The following PPP1R12B variants were observed in gnomAD, a reference collection of about 807,000 sequenced individuals.
PPP1R12B encodes the protein myosin phosphatase target subunit 2.
In PPP1R12B, 76 loss-of-function variants were observed where a neutral mutation model predicts 126.1. The ratio of observed to expected loss-of-function variants is 0.60; its 90% CI spans 0.50 to 0.73. The LOEUF is 0.73. PPP1R12B is among the 30% of genes least tolerant of loss of function. PPP1R12B has a pLI of 0.00. For synonymous variants in PPP1R12B, 356 were observed against 434.7 expected (o/e 0.82, Z 2.25); for missense variants, 1,052 against 1,205.1 (o/e 0.87, Z 1.88).
intron 2 of PPP1R12B, 95 bp downstream of exon 2, chr1:202,417,012 A>G (rs1205005842): frequency 2.2e-6 from 3 of 1,358,256 alleles, no homozygotes; most frequent in Non-Finnish European, 2.9e-6. Flanking sequence ...ATAAATAGTT[A>G]TAATCTCTCT....
chr1:202,571,182 G>A (rs1328206739), intron 23 of PPP1R12B, among the ~76,000 whole-genome samples: 1 of 152,122 alleles, frequency 6.6e-6, no homozygotes, highest in Non-Finnish European at 1.5e-5. Flanking sequence ...CCCTTCAGTG[G>A]TTCTAGTTGC....
At chr1:202,538,195 A>G (rs1228644593) in intron 18 of PPP1R12B, among the ~76,000 whole-genome samples, 1 of 152,130 alleles carries the variant, frequency 6.6e-6, no homozygotes, top group Non-Finnish European at 1.5e-5. Flanking sequence ...GGGTTTCACC[A>G]TGTTGGTCAG....
At chr1:202,442,046 A>G (rs570078135) in intron 11 of PPP1R12B, among the ~76,000 whole-genome samples, 94 of 151,560 alleles carry the variant, frequency 6.2e-4, no homozygotes, top group African/African-American at 2.1e-3. Flanking sequence ...ATGGGGTTTC[A>G]CCATGTTGGC....
intron 13 of PPP1R12B, among the ~76,000 whole-genome samples, chr1:202,473,586 C>G (rs906104129): frequency 6.6e-5 from 10 of 152,248 alleles, no homozygotes; most frequent in Admixed American, 6.5e-4. Context: ...AAGAATTTCT[C>G]TCTTTCACCT....
Position 202,472,657 on chromosome 1 carries a change from G to A in PPP1R12B, c.1851-15876G>A, listed in dbSNP as rs1676087671. Among the ~76,000 whole-genome samples, 3 of 152,202 alleles carry A rather than the reference G, an allele frequency of 2.0e-5. No homozygotes were observed. In the South Asian group the frequency reaches 6.2e-4, roughly 32 times the overall value. ...GAAAAGAATTCAAGATGATATAGTA[G>A]TTATCTAAGATAGGTCACAGAAACA... On this transcript the variant is annotated intron_variant, in intron 13 of 23. Coordinates refer to ENST00000608999, the MANE Select transcript of PPP1R12B (RefSeq NM_002481.4).
Position 202,588,524 on chromosome 1 carries a change from A to C in PPP1R12B, c.*7964A>C, listed in dbSNP as rs1689959679. ...TCACTTCTATATGATGCCTGTAAAC[A>C]CAACAGTATTTATAAATGAGTAAAT... On this transcript the variant is annotated 3_prime_UTR_variant, in exon 24 of 24. Coordinates refer to ENST00000608999, the MANE Select transcript of PPP1R12B (RefSeq NM_002481.4). 6.6e-6 allele frequency: 1 copy of C among 152,668 alleles called. No homozygotes were observed. Among genetic ancestry groups the C allele is most frequent in the East Asian group, 1.9e-4 (1 of 5,204 alleles). The allele number at this position is 152,668 out of a possible 1,614,324, so 9.5% of individuals were successfully genotyped here.
At chr1:202,514,154 G>A (rs1681845997) in intron 18 of PPP1R12B, among the ~76,000 whole-genome samples, 1 of 151,678 alleles carries the variant, frequency 6.6e-6, no homozygotes, top group Admixed American at 6.6e-5. Context: ...GTATCTCATT[G>A]TGGTTTTGAT....
intron 9 of PPP1R12B, 108 bp downstream of exon 9, chr1:202,434,876 T>C: frequency 6.7e-7 from 1 of 1,500,808 alleles, no homozygotes; most frequent in East Asian, 2.4e-5. Context: ...AAATACATTT[T>C]TCCTGTCATA....
At chr1:202,475,778 G>A (rs557790510) in intron 13 of PPP1R12B, among the ~76,000 whole-genome samples, 28 of 152,150 alleles carry the variant, frequency 1.8e-4, no homozygotes, top group South Asian at 1.5e-3. Context: ...TGTGATTCCC[G>A]TGATCCCCCT....
At chr1:202,396,104 C>G (rs1383394576) in intron 1 of PPP1R12B, among the ~76,000 whole-genome samples, 1 of 152,164 alleles carries the variant, frequency 6.6e-6, no homozygotes, top group Non-Finnish European at 1.5e-5. Flanking sequence ...GCTTCCTACT[C>G]CACAACCACT....
Position 202,348,766 on chromosome 1 carries a change from G to T in PPP1R12B, c.-86G>T, listed in dbSNP as rs570441839. ...TCCGCCCTCTGCTCCGGGCTGAAGC[G>T]CTCTGAGAGAGGCGGCAGCGGCAAC... On this transcript the variant is annotated 5_prime_UTR_variant, in exon 1 of 24. Transcript: ENST00000608999. The T allele has an allele frequency of 5.3e-5, 78 of 1,477,726 alleles. No individual in the cohort carries two copies. The African/African-American group carries it at 6.4e-4, about 12-fold the overall frequency. The allele number at this position is 1,477,726 out of a possible 1,614,324, so 91.5% of individuals were successfully genotyped here. A position where few individuals can be genotyped will look rare whatever the true frequency, so the allele number is the denominator to read the frequency against.
chr1:202,488,885 A>T (rs1678497705), intron 14 of PPP1R12B, among the ~76,000 whole-genome samples: 1 of 152,190 alleles, frequency 6.6e-6, no homozygotes, highest in African/African-American at 2.4e-5. Context: ...TCTACTAAAA[A>T]TATGAAAATT....
chr1:202,468,082 TC>T (rs1675295810), intron 13 of PPP1R12B, among the ~76,000 whole-genome samples: 1 of 152,256 alleles, frequency 6.6e-6, no homozygotes, highest in Admixed American at 6.5e-5. Context: ...TTTGTTTTTT[TC>T]TTGTAAATTT....
Position 202,583,503 on chromosome 1 carries a change from G to A in PPP1R12B, c.*2943G>A, listed in dbSNP as rs1689657879. 6.6e-6 allele frequency: 1 copy of A among 152,134 alleles called. No individual in the cohort carries two copies. Among genetic ancestry groups the A allele is most frequent in the African/African-American group, 2.4e-5 (1 of 41,414 alleles). The allele number at this position is 152,134 out of a possible 1,614,324, so 9.4% of individuals were successfully genotyped here. A position where few individuals can be genotyped will look rare whatever the true frequency, so the allele number is the denominator to read the frequency against. Reference sequence around the variant, plus strand: ...ATGAAAGTAAGTGTAAACTATCCTAGGTAATTTCAGGTACTTTCTCTTATG... The same window carrying A: ...ATGAAAGTAAGTGTAAACTATCCTAAGTAATTTCAGGTACTTTCTCTTATG... On this transcript the variant is annotated 3_prime_UTR_variant, in exon 24 of 24. Transcript: ENST00000608999.
chr1:202,493,225 G>C lies in PPP1R12B; in HGVS notation c.2053G>C (p.Glu685Gln). The C allele has an allele frequency of 1.2e-6, 2 of 1,613,066 alleles. No homozygotes were observed. Among genetic ancestry groups the C allele is most frequent in the Non-Finnish European group, 1.7e-6 (2 of 1,179,874 alleles). The change falls in exon 15 of 24, where the codon GAG becomes CAG. Residue 685 changes from glutamate to glutamine, a missense_variant. Physicochemically the swap from Glu to Gln is conservative, Grantham distance 29. Coordinates refer to ENST00000608999, the MANE Select transcript of PPP1R12B (RefSeq NM_002481.4). ...REKPTDTEGL[E>Q]GSPEKHEPSA... Reference sequence around the variant, plus strand: ...GAAGCCCACAGACACTGAAGGGCTTGAGGGGAGCCCTGAGAAGCATGAGCC... The same window carrying C: ...GAAGCCCACAGACACTGAAGGGCTTCAGGGGAGCCCTGAGAAGCATGAGCC...
intron 13 of PPP1R12B, among the ~76,000 whole-genome samples, chr1:202,483,746 A>C (rs1028498832): frequency 3.9e-5 from 6 of 152,234 alleles, no homozygotes; most frequent in Non-Finnish European, 5.9e-5. Flanking sequence ...ATTGCAGTCT[A>C]TCTCTCCCTT....
rs573698359 is a variant in PPP1R12B, at chr1:202,560,094, T to C, written c.2507+1201T>C. Among the ~76,000 whole-genome samples the C allele has an allele frequency of 5.3e-5, 8 of 152,318 alleles. 1 individual carries two copies. The East Asian group carries it at 1.5e-3, about 29-fold the overall frequency. Reference sequence around the variant, plus strand: ...ATCATTAGGACAGTTGATTATCTGTTTGAGCAATTATATCCTTCCCTTCAG... The same window carrying C: ...ATCATTAGGACAGTTGATTATCTGTCTGAGCAATTATATCCTTCCCTTCAG... On this transcript the variant is annotated intron_variant, in intron 19 of 23. Transcript: ENST00000608999.
intron 8 of PPP1R12B, among the ~76,000 whole-genome samples, chr1:202,433,492 A>G (rs551132750): frequency 6.6e-6 from 1 of 152,268 alleles, no homozygotes; most frequent in South Asian, 2.1e-4. Context: ...AATAAACCCC[A>G]AGCTCCATAG....
intron 1 of PPP1R12B, among the ~76,000 whole-genome samples, chr1:202,361,858 A>G (rs1404823740): frequency 2.0e-5 from 3 of 152,176 alleles, no homozygotes; most frequent in Non-Finnish European, 4.4e-5. Context: ...TGGGCAGTCA[A>G]CTGTGGGCAA....
Sources: gnomAD v4.1 joint callset for allele counts (sites outside exome capture counted in the v4.1 genomes callset) on GRCh38, gnomAD v4.1.1 for gene constraint, MANE v1.5 for transcripts, NCBI Gene and HGNC (gene_info 2026-07-23, HGNC 2026-07-21) for gene names.